Variants in OSBPL6 observed in about 807,000 individuals in gnomAD.
OSBPL6 encodes the protein oxysterol-binding protein-related protein 6.
A neutral mutation model predicts 125.8 loss-of-function variants in OSBPL6; 49 were observed. The ratio of observed to expected loss-of-function variants is 0.39; its 90% CI spans 0.31 to 0.49. The LOEUF (loss-of-function observed/expected upper bound fraction) is 0.49, where lower values mean the gene tolerates loss of function less well. Ranked by LOEUF, OSBPL6 falls within the 20% of genes least tolerant of loss-of-function variation. The probability of loss-of-function intolerance (pLI) is 0.88; values close to 1 mark genes in which losing one functional copy is unlikely to be tolerated. For synonymous variants in OSBPL6, 394 were observed against 391.8 expected (o/e 1.01, Z -0.07); for missense variants, 986 against 1,135.4 (o/e 0.87, Z 1.89).
intron 2 of OSBPL6, among the ~76,000 whole-genome samples, chr2:178,304,205 A>G (rs1356137116): frequency 6.6e-6 from 1 of 152,096 alleles, no homozygotes; most frequent in Non-Finnish European, 1.5e-5. Context: ...AAGAGAGAGA[A>G]CCCACTCCCA....
intron 15 of OSBPL6, 138 bp downstream of exon 15, chr2:178,374,165 A>G: frequency 1.9e-6 from 2 of 1,079,488 alleles, no homozygotes; most frequent in Non-Finnish European, 2.6e-6. Flanking sequence ...TCCAAATTGC[A>G]GCAAAGCTAA....
chr2:178,230,839 A>C (rs1357513395), intron 1 of OSBPL6, among the ~76,000 whole-genome samples: 1 of 152,190 alleles, frequency 6.6e-6, no homozygotes, highest in African/African-American at 2.4e-5. Context: ...ATCAATAAAT[A>C]CATGTCTGAT....
chr2:178,363,422 T>C (rs568126066), intron 13 of OSBPL6, among the ~76,000 whole-genome samples: 24 of 152,314 alleles, frequency 1.6e-4, no homozygotes, highest in African/African-American at 5.8e-4. Context: ...GCCCTGGCCA[T>C]GTTCCCAGCA....
At chr2:178,237,650 G>A (rs2091111384) in intron 1 of OSBPL6, among the ~76,000 whole-genome samples, 1 of 152,128 alleles carries the variant, frequency 6.6e-6, no homozygotes, top group East Asian at 1.9e-4. Flanking sequence ...ATAATTCTTT[G>A]TTGTAGGGCA....
At chr2:178,382,717 T>A in intron 16 of OSBPL6, 4 of 1,446,594 alleles carry the variant, frequency 2.8e-6, no homozygotes, top group Non-Finnish European at 3.6e-6. Context: ...GAGAAAACGT[T>A]TTTCCTCTTT....
At chr2:178,310,412 CTTTT>C (rs71023440) in intron 3 of OSBPL6, among the ~76,000 whole-genome samples, 3 of 85,714 alleles carry the variant, frequency 3.5e-5, no homozygotes, top group Admixed American at 1.5e-4. Flanking sequence ...AAACTGAACT[CTTTT>C]TTTTTTTTTT....
At chr2:178,225,533 G>T (rs1332612307) in intron 1 of OSBPL6, among the ~76,000 whole-genome samples, 1 of 152,142 alleles carries the variant, frequency 6.6e-6, no homozygotes, top group Non-Finnish European at 1.5e-5. Flanking sequence ...AGAAAACCGT[G>T]GTGTCAGTCA....
At position 178,383,265 on chromosome 2, in the gene OSBPL6, A is replaced by G. The variant is rs779599064; in HGVS notation, c.1863A>G (p.Pro621=). ...LLDKASETDD[P]YERMVLVAAF... ...ACAAGGCTTCGGAAACTGATGATCC[A>G]TATGAGCGCATGGTAATAAATAACT... The change falls in exon 17 of 25, where the codon CCA becomes CCG. Residue 621 remains proline, a synonymous_variant. Coordinates refer to ENST00000190611, the MANE Select transcript of OSBPL6 (RefSeq NM_032523.4). 28 of 1,613,970 alleles carry G rather than the reference A, an allele frequency of 1.7e-5. No individual in the cohort carries two copies. The East Asian group carries it at 3.8e-4, about 22-fold the overall frequency.
rs116883006 is a variant in OSBPL6 at position 178,207,266 on chromosome 2, A to G, written c.-351+12592A>G. Among the ~76,000 whole-genome samples the G allele has an allele frequency of 8.6e-3, 1,317 of 152,294 alleles. 32 individuals carry two copies. The highest frequency in any genetic ancestry group is 0.076 in the East Asian group (395 of 5,188). On this transcript the variant is annotated intron_variant, in intron 1 of 24. Transcript: ENST00000190611. ...CCTTGGTGTTCCTTAGCTCATGGCC[A>G]CATAACTCAAAATCTCTGTTTTATT...
At chr2:178,241,942 A>G (rs1488635334) in intron 1 of OSBPL6, among the ~76,000 whole-genome samples, 1 of 152,232 alleles carries the variant, frequency 6.6e-6, no homozygotes, top group Non-Finnish European at 1.5e-5. Flanking sequence ...TACAGTATTC[A>G]GTACAATAAC....
Position 178,399,433 on chromosome 2 carries a change from A to G in OSBPL6, c.*3874A>G, listed in dbSNP as rs144947317. The G allele has an allele frequency of 2.0e-5, 3 of 152,238 alleles. No homozygotes were observed. Among genetic ancestry groups the G allele is most frequent in the Non-Finnish European group, 4.4e-5 (3 of 68,030 alleles). The allele number at this position is 152,238 out of a possible 1,614,324, so 9.4% of individuals were successfully genotyped here. A position where few individuals can be genotyped will look rare whatever the true frequency, so the allele number is the denominator to read the frequency against. ...TTGTTTAATACATAATTGTAAGAGC[A>G]TATATTTGTTATTGAATTGAAAGAC... On this transcript the variant is annotated 3_prime_UTR_variant, in exon 25 of 25. Transcript: ENST00000190611.
At chr2:178,391,032 T>C in intron 21 of OSBPL6, 41 bp from the exon 22 acceptor site, 1 of 1,608,500 alleles carries the variant, frequency 6.2e-7, no homozygotes, top group South Asian at 1.1e-5. Context: ...ATGATGTTAT[T>C]AAAGCCATCA....
chr2:178,320,490 A>C lies in OSBPL6; in HGVS notation c.103-3687A>C, dbSNP rs895734343. 2.2e-6 allele frequency: 3 copies of C among 1,373,154 alleles called. No individual in the cohort carries two copies. In the African/African-American group the frequency reaches 4.4e-5, roughly 20 times the overall value. The allele number at this position is 1,373,154 out of a possible 1,614,324, so 85.1% of individuals were successfully genotyped here. On this transcript the variant is annotated intron_variant, in intron 3 of 24. Coordinates refer to ENST00000190611, the MANE Select transcript of OSBPL6 (RefSeq NM_032523.4). ...TTATAATTTTAGCATTTGAGAGGAA[A>C]CTTGATTTTAGAAGAATAATTAACT...
chr2:178,344,200 T>C (rs1690481873), intron 11 of OSBPL6: 1 of 1,225,660 alleles, frequency 8.2e-7, no homozygotes, highest in Non-Finnish European at 1.2e-6. Context: ...CTCCCTCTCC[T>C]TGTCTGATTA....
At chr2:178,346,534 A>G (rs1458998735) in intron 11 of OSBPL6, among the ~76,000 whole-genome samples, 1 of 152,158 alleles carries the variant, frequency 6.6e-6, no homozygotes, top group Non-Finnish European at 1.5e-5. Flanking sequence ...ATATTCTACG[A>G]TCAGGCTTCC....
Position 178,398,203 on chromosome 2 carries a change from A to G in OSBPL6, c.*2644A>G, listed in dbSNP as rs1275963698. 6.6e-6 allele frequency: 1 copy of G among 152,220 alleles called. No individual in the cohort carries two copies. Among genetic ancestry groups the G allele is most frequent in the Non-Finnish European group, 1.5e-5 (1 of 68,038 alleles). The allele number at this position is 152,220 out of a possible 1,614,324, so 9.4% of individuals were successfully genotyped here. ...AGACTAAATAGCAAAAGGGTAGAAT[A>G]TTAGATCATTCTCTTAATAAGACCT... is the stretch of plus-strand genomic sequence containing the variant. On this transcript the variant is annotated 3_prime_UTR_variant, in exon 25 of 25. Coordinates refer to ENST00000190611, the MANE Select transcript of OSBPL6 (RefSeq NM_032523.4).
chr2:178,299,651 A>T (rs1437180165), intron 2 of OSBPL6, among the ~76,000 whole-genome samples: 1 of 152,220 alleles, frequency 6.6e-6, no homozygotes, highest in African/African-American at 2.4e-5. Flanking sequence ...AAGTCATTAA[A>T]AATCCTGTTA....
At chr2:178,392,012 A>G (rs1695449119) in intron 22 of OSBPL6, among the ~76,000 whole-genome samples, 1 of 152,242 alleles carries the variant, frequency 6.6e-6, no homozygotes, top group South Asian at 2.1e-4. Context: ...GGCAAAAAAT[A>G]TTAATTTAGG....
intron 1 of OSBPL6, among the ~76,000 whole-genome samples, chr2:178,239,196 T>A (rs1157951153): frequency 6.6e-6 from 1 of 152,196 alleles, no homozygotes; most frequent in Non-Finnish European, 1.5e-5. Context: ...AAAATATGTT[T>A]ATTAATAAAT....
Sources: allele counts gnomAD v4.1 joint callset (sites outside exome capture counted in the v4.1 genomes callset), GRCh38; gene constraint gnomAD v4.1.1; transcripts MANE v1.5; gene names NCBI Gene and HGNC (gene_info 2026-07-23, HGNC 2026-07-21).